MINDY2: variants seen among roughly 807,000 people sequenced by gnomAD.
MINDY2 encodes MINDY lysine 48 deubiquitinase 2.
Under a neutral mutation model 68.2 loss-of-function variants are expected in MINDY2, and 52 were observed. The ratio of observed to expected loss-of-function variants is 0.76; its 90% CI spans 0.61 to 0.96. The LOEUF is 0.96. Ranked by LOEUF, MINDY2 falls within the 40% of genes least tolerant of loss-of-function variation. The probability of loss-of-function intolerance (pLI) is 0.00; values close to 1 mark genes in which losing one functional copy is unlikely to be tolerated. For synonymous variants in MINDY2, 372 were observed against 303.0 expected, an observed-to-expected ratio of 1.23 and a Z score of -2.36; for missense variants, 881 against 773.4, an observed-to-expected ratio of 1.14 and a Z score of -1.65.
intron 1 of MINDY2, among the ~76,000 whole-genome samples, chr15:58,780,797 T>G (rs1250958556): frequency 1.3e-5 from 2 of 152,152 alleles, no homozygotes; most frequent in East Asian, 3.8e-4. Context: ...TTAAATATAT[T>G]CTTGGATTTT....
chr15:58,848,632 G>C (rs906542462), intron 7 of MINDY2, among the ~76,000 whole-genome samples: 1 of 152,126 alleles, frequency 6.6e-6, no homozygotes, highest in Non-Finnish European at 1.5e-5. Context: ...TGTAGTCGCA[G>C]CTACTCAGGA....
chr15:58,831,181 C>T (rs2031709620), intron 5 of MINDY2, among the ~76,000 whole-genome samples: 1 of 151,886 alleles, frequency 6.6e-6, no homozygotes, highest in Admixed American at 6.6e-5. Context: ...AGGAGATTAG[C>T]ATAAAAATGG....
intron 6 of MINDY2, among the ~76,000 whole-genome samples, chr15:58,840,491 A>G (rs1458607999): frequency 6.6e-6 from 1 of 151,900 alleles, no homozygotes; most frequent in East Asian, 1.9e-4. Context: ...TCATCTATCT[A>G]TTGGCAACAA....
At chr15:58,840,631 A>C (rs1248613024) in intron 6 of MINDY2, among the ~76,000 whole-genome samples, 30 of 37,704 alleles carry the variant, frequency 8.0e-4, no homozygotes, top group African/African-American at 1.7e-3. Context: ...TTATTTACTT[A>C]TTATTATTAT....
At chr15:58,822,834 CAAAAG>C in intron 5 of MINDY2, among the ~76,000 whole-genome samples, 1 of 152,160 alleles carries the variant, frequency 6.6e-6, no homozygotes, top group East Asian at 1.9e-4. Context: ...GAAAGGGAAA[CAAAAG>C]AGAAAGAGAA....
chr15:58,822,093 T>A (rs1257003025), intron 5 of MINDY2, among the ~76,000 whole-genome samples: 5 of 151,844 alleles, frequency 3.3e-5, no homozygotes, highest in African/African-American at 1.2e-4. Context: ...CTACTAAAAA[T>A]ACAACAAAAA....
At chr15:58,806,298 T>C (rs541320032) in intron 3 of MINDY2, among the ~76,000 whole-genome samples, 1 of 151,934 alleles carries the variant, frequency 6.6e-6, no homozygotes, top group Admixed American at 6.6e-5. Context: ...GGTCTCGAAC[T>C]CCTGGCCTCA....
intron 4 of MINDY2, 22 bp from the exon 5 acceptor site, chr15:58,821,695 G>C: frequency 6.9e-7 from 1 of 1,449,696 alleles, no homozygotes; most frequent in Non-Finnish European, 9.3e-7. Flanking sequence ...CATGATTAGT[G>C]AGACAGTCAT....
intron 8 of MINDY2, among the ~76,000 whole-genome samples, chr15:58,852,426 C>T (rs925108917): frequency 6.6e-5 from 10 of 151,616 alleles, no homozygotes. Flanking sequence ...AAGCTTGTAT[C>T]TCGTTTAGTA....
intron 2 of MINDY2, among the ~76,000 whole-genome samples, chr15:58,793,934 G>T (rs2140934775): frequency 6.6e-6 from 1 of 152,256 alleles, no homozygotes; most frequent in East Asian, 1.9e-4. Context: ...TTTGAGGTTA[G>T]TGAAACCAGC....
At chr15:58,800,705 G>A (rs1323359196) in intron 2 of MINDY2, among the ~76,000 whole-genome samples, 4 of 148,582 alleles carry the variant, frequency 2.7e-5, no homozygotes, top group African/African-American at 5.0e-5. Flanking sequence ...GTGGTGGTGC[G>A]TGTCTTTAGT....
intron 3 of MINDY2, among the ~76,000 whole-genome samples, chr15:58,807,549 G>C (rs1205275644): frequency 1.3e-5 from 2 of 151,936 alleles, no homozygotes; most frequent in Non-Finnish European, 2.9e-5. Context: ...TTTTTTAGTA[G>C]AGACGGGGTT....
intron 1 of MINDY2, among the ~76,000 whole-genome samples, chr15:58,777,225 C>A (rs1423443418): frequency 6.6e-6 from 1 of 152,150 alleles, no homozygotes; most frequent in African/African-American, 2.4e-5. Context: ...TTAGAGTTAT[C>A]AAGACTTGGG....
At chr15:58,840,755 C>T (rs1292329658) in intron 6 of MINDY2, among the ~76,000 whole-genome samples, 16 of 149,268 alleles carry the variant, frequency 1.1e-4, no homozygotes, top group African/African-American at 3.9e-4. Context: ...CTCCCAGGTT[C>T]ATGCCATTCT....
intron 6 of MINDY2, among the ~76,000 whole-genome samples, chr15:58,842,051 C>T (rs371318892): frequency 6.6e-6 from 1 of 151,886 alleles, no homozygotes; most frequent in African/African-American, 2.4e-5. Flanking sequence ...GATTACATAG[C>T]CCCTGTCTAG....
At position 58,836,820 on chromosome 15, in the gene MINDY2, G is replaced by C. The variant is rs529107401; in HGVS notation, c.1368+4904G>C. ...TTTTTTTTAGAGACAGGATATCCCT[G>C]TGTTGCCCAAATTGGTCTTGAGCTC... On this transcript the variant is annotated intron_variant, in intron 6 of 8. Transcript: ENST00000559228. 1.1e-4 allele frequency among the ~76,000 whole-genome samples: 16 copies of C among 152,060 alleles called. No individual in the cohort carries two copies. The East Asian group carries it at 3.1e-3, about 30-fold the overall frequency.
At position 58,771,318 on chromosome 15, in the gene MINDY2, C is replaced by T; in HGVS notation, c.-78C>T. The T allele has an allele frequency of 6.5e-7, 1 of 1,533,950 alleles. No homozygotes were observed. Among genetic ancestry groups the T allele is most frequent in the Non-Finnish European group, 8.7e-7 (1 of 1,143,498 alleles). On this transcript the variant is annotated 5_prime_UTR_variant, in exon 1 of 9. Transcript: ENST00000559228. The stretch of plus-strand genomic sequence containing the variant: ...CGCCAGGGCGCTGTTGCTGCCAATA[C>T]AGCTGTCATGGCGTCCAAGGCGCTG...
rs1900441081 is a variant in MINDY2 at position 58,771,912 on chromosome 15, C to T, written c.517C>T (p.Leu173=). ...GAGCCCTCCTGGGGAATCTCCGAGCCTGGACTCTCTGGAGTCGTTCTCTAA... is the reference window on the plus strand; with the variant it reads ...GAGCCCTCCTGGGGAATCTCCGAGCTTGGACTCTCTGGAGTCGTTCTCTAA... ...DPSPPGESPS[L]DSLESFSNLH... The change falls in exon 1 of 9, where the codon CTG becomes TTG. Residue 173 remains leucine (L), a synonymous_variant. Transcript: ENST00000559228. 1.9e-6 allele frequency: 3 copies of T among 1,556,506 alleles called. No individual in the cohort carries two copies. The highest frequency in any genetic ancestry group is 2.5e-5 in the South Asian group (2 of 81,602).
At position 58,816,666 on chromosome 15, in the gene MINDY2, C is replaced by T. The variant is rs79491470; in HGVS notation, c.1123-5051C>T. Among the ~76,000 whole-genome samples the T allele has an allele frequency of 1.0e-3, 152 of 151,516 alleles. 2 individuals carry two copies. In the East Asian group the frequency reaches 0.024, roughly 24 times the overall value. ...TCACTATACAGATAGAACTAGGGCA[C>T]TCTAGAGCAATGGGGAAAGGCAATC... On this transcript the variant is annotated intron_variant, in intron 4 of 8. Transcript: ENST00000559228.
Sources: gnomAD v4.1 joint callset for allele counts (sites outside exome capture counted in the v4.1 genomes callset) on GRCh38, gnomAD v4.1.1 for gene constraint, MANE v1.5 for transcripts, NCBI Gene and HGNC (gene_info 2026-07-23, HGNC 2026-07-21) for gene names.